The following CSMD1 variants were observed in gnomAD, a reference collection of about 807,000 sequenced individuals.
The protein encoded by CSMD1 is CUB and Sushi multiple domains 1, also known as CUB and sushi domain-containing protein 1.
A neutral mutation model predicts 417.5 loss-of-function variants in CSMD1; 213 were observed. That is an observed-to-expected ratio of 0.51 (90% CI 0.46 to 0.57). The LOEUF (loss-of-function observed/expected upper bound fraction) is 0.57, where lower values mean the gene tolerates loss of function less well. Among genes scored for constraint, CSMD1 ranks in the 20% least tolerant of loss-of-function variants. CSMD1 has a pLI of 0.00. For missense variants in CSMD1, 6,923 were observed against 4,529.7 expected (o/e 1.53, Z -15.17); for synonymous variants, 2,862 against 1,736.8 (o/e 1.65, Z -16.11).
intron 2 of CSMD1, among the ~76,000 whole-genome samples, chr8:4,522,595 A>G (rs2130405140): frequency 6.6e-6 from 1 of 152,314 alleles, no homozygotes; most frequent in Admixed American, 6.5e-5. Context: ...GTCTTTTGAT[A>G]AGAGACAGAA....
chr8:3,962,116 C>T (rs1257283797), intron 5 of CSMD1, among the ~76,000 whole-genome samples: 1 of 152,168 alleles, frequency 6.6e-6, no homozygotes, highest in African/African-American at 2.4e-5. Context: ...CAGGACCTTC[C>T]TCCTCTTTCT....
intron 2 of CSMD1, among the ~76,000 whole-genome samples, chr8:4,480,760 A>T (rs1396600644): frequency 1.1e-4 from 16 of 152,190 alleles, no homozygotes; most frequent in Non-Finnish European, 5.9e-5. Context: ...ATACTGCATT[A>T]TATGTTGAAG....
intron 3 of CSMD1, among the ~76,000 whole-genome samples, chr8:4,391,088 G>A (rs567853078): frequency 2.0e-5 from 3 of 152,322 alleles, no homozygotes; most frequent in South Asian, 2.1e-4. Flanking sequence ...CCTGGAATGA[G>A]GACATAAACT....
chr8:3,901,298 C>G (rs1353051708), intron 5 of CSMD1, among the ~76,000 whole-genome samples: 3 of 151,982 alleles, frequency 2.0e-5, no homozygotes, highest in Non-Finnish European at 4.4e-5. Context: ...CTTTTTCTTT[C>G]TGCATCAGTG....
chr8:3,344,931 A>G (rs1401305807), intron 22 of CSMD1, among the ~76,000 whole-genome samples: 1 of 152,188 alleles, frequency 6.6e-6, no homozygotes, highest in Non-Finnish European at 1.5e-5. Flanking sequence ...ATTGTGTAAA[A>G]ACCATTATTT....
chr8:3,533,984 A>T (rs547312588), intron 10 of CSMD1, among the ~76,000 whole-genome samples: 1 of 152,274 alleles, frequency 6.6e-6, no homozygotes, highest in South Asian at 2.1e-4. Context: ...TTGTTTTGGC[A>T]ATATTTATAT....
chr8:3,347,911 C>A, intron 22 of CSMD1, 81 bp downstream of exon 22: 1 of 884,484 alleles, frequency 1.1e-6, no homozygotes, highest in South Asian at 1.9e-5. Context: ...GTGCATATAT[C>A]TATATGTAGA....
At chr8:4,394,235 T>G (rs760264183) in intron 3 of CSMD1, among the ~76,000 whole-genome samples, 1 of 152,212 alleles carries the variant, frequency 6.6e-6, no homozygotes, top group Non-Finnish European at 1.5e-5. Context: ...AGTAATTATT[T>G]TATTCTTTCA....
At chr8:4,147,319 G>A (rs910455422) in intron 3 of CSMD1, among the ~76,000 whole-genome samples, 3 of 152,074 alleles carry the variant, frequency 2.0e-5, no homozygotes, top group African/African-American at 7.2e-5. Context: ...GAAGCCTTCT[G>A]TATGCTCACC....
intron 7 of CSMD1, among the ~76,000 whole-genome samples, chr8:3,669,077 G>C (rs1202106628): frequency 4.6e-5 from 7 of 152,122 alleles, no homozygotes; most frequent in Non-Finnish European, 8.8e-5. Flanking sequence ...GACCCCACTA[G>C]AAATATGATT....
At chr8:4,444,044 A>G (rs1798636421) in intron 2 of CSMD1, among the ~76,000 whole-genome samples, 1 of 152,140 alleles carries the variant, frequency 6.6e-6, no homozygotes, top group African/African-American at 2.4e-5. Context: ...ATCTTTGAGA[A>G]GAGTAAGATA....
chr8:3,072,580 GT>G (rs1452677752), intron 49 of CSMD1, among the ~76,000 whole-genome samples: 1 of 152,160 alleles, frequency 6.6e-6, no homozygotes, highest in African/African-American at 2.4e-5. Context: ...GTGTGCCTGG[GT>G]TTCCAGCCCA....
intron 3 of CSMD1, among the ~76,000 whole-genome samples, chr8:4,405,128 T>C (rs1804920578): frequency 6.6e-6 from 1 of 152,220 alleles, no homozygotes; most frequent in African/African-American, 2.4e-5. Context: ...TTAGCATTGG[T>C]TATTTCACAT....
At chr8:4,367,052 G>A (rs555438677) in intron 3 of CSMD1, among the ~76,000 whole-genome samples, 2 of 151,988 alleles carry the variant, frequency 1.3e-5, no homozygotes, top group Admixed American at 6.6e-5. Context: ...TAGTTTAATA[G>A]GTCCCACTTG....
At chr8:4,971,033 A>G (rs1396562891) in intron 1 of CSMD1, among the ~76,000 whole-genome samples, 2 of 152,084 alleles carry the variant, frequency 1.3e-5, no homozygotes, top group African/African-American at 4.8e-5. Flanking sequence ...CAGGGTAAGA[A>G]TTGACTTAGT....
intron 3 of CSMD1, among the ~76,000 whole-genome samples, chr8:4,386,096 A>G (rs78464494): frequency 0.017 from 2,585 of 152,170 alleles, 58 homozygotes; most frequent in African/African-American, 0.051. Context: ...CTCTCGCTGT[A>G]CCCAGAATCT....
chr8:3,084,967 T>C (rs1174733675), intron 49 of CSMD1, among the ~76,000 whole-genome samples: 4 of 151,910 alleles, frequency 2.6e-5, no homozygotes, highest in African/African-American at 7.2e-5. Context: ...TAAAATGCTA[T>C]TTTACACAAA....
chr8:4,136,975 A>C (rs1341991432), intron 3 of CSMD1, among the ~76,000 whole-genome samples: 3 of 152,232 alleles, frequency 2.0e-5, no homozygotes, highest in Non-Finnish European at 4.4e-5. Flanking sequence ...ATATCAATGA[A>C]ACAAATAAAT....
intron 3 of CSMD1, among the ~76,000 whole-genome samples, chr8:4,075,216 C>T (rs1407404044): frequency 6.6e-6 from 1 of 151,982 alleles, no homozygotes; most frequent in South Asian, 2.1e-4. Context: ...ATATTTCATT[C>T]TAGTATGTGC....
Sources: gnomAD v4.1 joint callset for allele counts (sites outside exome capture counted in the v4.1 genomes callset) on GRCh38, gnomAD v4.1.1 for gene constraint, MANE v1.5 for transcripts, NCBI Gene and HGNC (gene_info 2026-07-23, HGNC 2026-07-21) for gene names.